CES2: variants seen among roughly 807,000 people sequenced by gnomAD.
The protein encoded by CES2 is carboxylesterase 2, also known as cocaine esterase.
A neutral mutation model predicts 52.1 loss-of-function variants in CES2; 42 were observed. The ratio of observed to expected loss-of-function variants is 0.81; its 90% CI spans 0.63 to 1.04. The LOEUF is 1.04. CES2 is among the 50% of genes least tolerant of loss of function. The probability of loss-of-function intolerance (pLI) is 0.00; values close to 1 mark genes in which losing one functional copy is unlikely to be tolerated. For missense variants in CES2, 656 were observed against 724.3 expected (o/e 0.91, Z 1.08); for synonymous variants, 277 against 289.6 (o/e 0.96, Z 0.44).
In CES2 at chr16:66,941,119, T is replaced by C. The variant is rs1290304900; in HGVS notation, c.817-5T>C. On this transcript the variant is annotated splice_region_variant and splice_polypyrimidine_tract_variant and intron_variant, in intron 5 of 11. Transcript: ENST00000317091. ...TGAGCCAGCCCCTGCCTGGTCCCTTTACAGGTGGTGGCCAACCTGTCTGCC... is the reference window on the plus strand; with the variant it reads ...TGAGCCAGCCCCTGCCTGGTCCCTTCACAGGTGGTGGCCAACCTGTCTGCC... 12 of 1,613,894 alleles carry C rather than the reference T, an allele frequency of 7.4e-6. No individual in the cohort carries two copies. The highest frequency in any genetic ancestry group is 1.0e-5 in the Non-Finnish European group (12 of 1,179,986).
chr16:66,942,064 C>T, intron 8 of CES2, 41 bp from the exon 9 acceptor site: 2 of 1,576,048 alleles, frequency 1.3e-6, no homozygotes, highest in South Asian at 1.2e-5. Context: ...CTGCCCCTGG[C>T]ATCCAGTCTA....
intron 1 of CES2, among the ~76,000 whole-genome samples, chr16:66,936,654 C>T (rs1963223432): frequency 6.6e-6 from 1 of 152,184 alleles, no homozygotes; most frequent in Non-Finnish European, 1.5e-5. Flanking sequence ...AGGCCCTTAT[C>T]AGAAGCTGGG....
intron 6 of CES2, 137 bp downstream of exon 6, chr16:66,941,359 A>G (rs1963358878): frequency 6.6e-7 from 1 of 1,513,548 alleles, no homozygotes; most frequent in Non-Finnish European, 8.9e-7. Context: ...TCGGGACTGA[A>G]GGTCGGTGCA....
chr16:66,939,192 A>T, intron 2 of CES2, 25 bp from the exon 3 acceptor site: 1 of 1,612,374 alleles, frequency 6.2e-7, no homozygotes, highest in Middle Eastern at 1.7e-4. Context: ...TGGCCCCTGG[A>T]CTGATTATTT....
Position 66,940,673 on chromosome 16 carries a change from G to C in CES2, c.794G>C (p.Ser265Thr). The change falls in exon 5 of 12, where the codon AGC becomes ACC. Residue 265 changes from serine (S) to threonine (T), a missense_variant. Physicochemically the swap from Ser to Thr is moderately conservative, Grantham distance 58. Transcript: ENST00000317091. ...GVALLPGLIA[S>T]SADVISTVVA... The stretch of plus-strand genomic sequence containing the variant: ...GCCCTCCTGCCCGGCCTCATTGCCA[G>C]CTCAGCTGATGTCATCTCCACGGTG... 6.2e-7 allele frequency: 1 copy of C among 1,614,146 alleles called. No individual in the cohort carries two copies. The highest frequency in any genetic ancestry group is 8.5e-7 in the Non-Finnish European group (1 of 1,180,036).
In CES2 at chr16:66,941,550, C is replaced by T. The variant is rs772901554; in HGVS notation, c.960C>T (p.Pro320=). ...GAGTGGTGGATGGGGTCTTCCTGCCCAGGCACCCCCAGGAGCTGCTGGCCT... is the reference window on the plus strand; with the variant it reads ...GAGTGGTGGATGGGGTCTTCCTGCCTAGGCACCCCCAGGAGCTGCTGGCCT... ...IPGVVDGVFL[P]RHPQELLASA... is the part of the protein sequence containing the mutation. Residue 320 remains proline, a synonymous_variant, in exon 7 of 12, where the codon CCC becomes CCT. Transcript: ENST00000317091. 13 of 1,613,980 alleles carry T rather than the reference C, an allele frequency of 8.1e-6. No individual in the cohort carries two copies. In the South Asian group the frequency reaches 8.8e-5, roughly 11 times the overall value.
rs755929357 is a variant in CES2 at position 66,941,619 on chromosome 16, C to A, written c.1029C>A (p.Asn343Lys). ...TCCCTAGCATTGTTGGTGTCAACAA[C>A]AATGAATTCGGCTGGCTCATCCCCA... ...QPVPSIVGVN[N>K]NEFGWLIPKV... The change falls in exon 7 of 12, where the codon AAC (asparagine) becomes AAA (lysine). Residue 343 changes from asparagine (N) to lysine (K), a missense_variant. Asn to Lys is a moderately conservative substitution (Grantham distance 94). Coordinates refer to ENST00000317091, the MANE Select transcript of CES2 (RefSeq NM_001365405.1). 9.9e-6 allele frequency: 16 copies of A among 1,613,960 alleles called. No homozygotes were observed. The East Asian group carries it at 1.8e-4, about 18-fold the overall frequency.
chr16:66,941,696 G>A (rs761883029), intron 7 of CES2, 50 bp downstream of exon 7: 3 of 1,612,788 alleles, frequency 1.9e-6, no homozygotes, highest in Non-Finnish European at 2.5e-6. Flanking sequence ...ATCTGGTAGT[G>A]GGGGGTGTTC....
Position 66,943,803 on chromosome 16 carries a change from C to G in CES2, c.1494-36C>G. On this transcript the variant is annotated intron_variant, in intron 11 of 11. Coordinates refer to ENST00000317091, the MANE Select transcript of CES2 (RefSeq NM_001365405.1). The surrounding 1 kb of genome is among the most constrained non-coding windows in gnomAD (Gnocchi z 4.2). ...TCTGGGCTTCGGGGGCCCAGAGTGA[C>G]CCTCATACTGCCCTGCTGGGATGGC... is the stretch of plus-strand genomic sequence containing the variant. The G allele has an allele frequency of 6.5e-7, 1 of 1,540,812 alleles. No individual in the cohort carries two copies. Among genetic ancestry groups the G allele is most frequent in the Non-Finnish European group, 8.8e-7 (1 of 1,132,062 alleles).
At chr16:66,935,462 T>C (rs1189738658), upstream of CES2, 14 of 1,610,052 alleles carry the variant, frequency 8.7e-6, no homozygotes, top group Admixed American at 6.7e-5. Context: ...TCAGTCCCGC[T>C]CTCCTACCAC....
chr16:66,943,178 T>G lies in CES2; in HGVS notation c.1421-121T>G. Reference sequence around the variant, plus strand: ...GGGGAGGGCTGGCTTCTGAGGGCAGTGGAAGAAAAAGCGGAGAAGCAGGAC... The same window carrying G: ...GGGGAGGGCTGGCTTCTGAGGGCAGGGGAAGAAAAAGCGGAGAAGCAGGAC... On this transcript the variant is annotated intron_variant, in intron 10 of 11. Coordinates refer to ENST00000317091, the MANE Select transcript of CES2 (RefSeq NM_001365405.1). This position sits in a 1 kb window ranked among gnomAD's most constrained non-coding sequence, Gnocchi z 4.2. 2.0e-6 allele frequency: 2 copies of G among 1,000,548 alleles called. No homozygotes were observed. The highest frequency in any genetic ancestry group is 1.6e-5 in the African/African-American group (1 of 61,554). The allele number at this position is 1,000,548 out of a possible 1,614,324, so 62.0% of individuals were successfully genotyped here.
In CES2 at chr16:66,944,112, AGTT is replaced by A; in HGVS notation, c.*89_*91del. 1.7e-6 allele frequency: 1 copy of A among 602,370 alleles called. No homozygotes were observed. Among genetic ancestry groups the A allele is most frequent in the South Asian group, 3.0e-5 (1 of 33,546 alleles). The allele number at this position is 602,370 out of a possible 1,614,324, so 37.3% of individuals were successfully genotyped here. A position where few individuals can be genotyped will look rare whatever the true frequency, so the allele number is the denominator to read the frequency against. ...CACACACACCCACTAAGGAGAAAGA[AGTT>A]GATTCCTTCATTCACTTCGCCATTC... On this transcript the variant is annotated 3_prime_UTR_variant, in exon 12 of 12. Transcript: ENST00000317091.
rs1384719301 is a variant in CES2 at position 66,942,768 on chromosome 16, T to C, written c.1403T>C (p.Phe468Ser). The C allele has an allele frequency of 6.2e-7, 1 of 1,614,218 alleles. No homozygotes were observed. ...GDELPFVFRS[F>S]FGGNYIKFTE... ...GAGCTTCCTTTTGTTTTCAGAAGTT[T>C]CTTTGGGGGCAACTACAGTGAGTCT... Residue 468 changes from phenylalanine to serine, a missense_variant, in exon 10 of 12, where the codon TTC becomes TCC. Physicochemically the swap from Phe to Ser is radical, Grantham distance 155. Coordinates refer to ENST00000317091, the MANE Select transcript of CES2 (RefSeq NM_001365405.1).
intron 5 of CES2, 138 bp from the exon 6 acceptor site, chr16:66,940,986 G>T: frequency 7.9e-7 from 1 of 1,268,718 alleles, no homozygotes; most frequent in Admixed American, 2.6e-5. Flanking sequence ...TTCTGAGTTG[G>T]AACAGTGTCA....
Position 66,943,953 on chromosome 16 carries a change from G to T in CES2, c.1608G>T (p.Gln536His), listed in dbSNP as rs1178888063. The T allele has an allele frequency of 1.9e-6, 3 of 1,607,234 alleles. No homozygotes were observed. The highest frequency in any genetic ancestry group is 2.6e-6 in the Non-Finnish European group (3 of 1,175,078). ...VGRALKAHRL[Q>H]FWKKALPQKI... is the part of the protein sequence containing the mutation. ...GGGCTCTGAAGGCCCACAGGCTCCA[G>T]TTCTGGAAGAAGGCGCTGCCCCAAA... Residue 536 changes from glutamine to histidine, a missense_variant, in exon 12 of 12, where the codon CAG becomes CAT. Physicochemically the swap from Gln to His is conservative, Grantham distance 24. Transcript: ENST00000317091. The surrounding 1 kb of genome is among the most constrained non-coding windows in gnomAD (Gnocchi z 4.2).
At position 66,943,328 on chromosome 16, in the gene CES2, A is replaced by G; in HGVS notation, c.1450A>G (p.Ser484Gly). The change falls in exon 11 of 12, where the codon AGC becomes GGC. Residue 484 changes from serine (S) to glycine (G), a missense_variant. Physicochemically the swap from Ser to Gly is moderately conservative, Grantham distance 56 (BLOSUM62 0). Coordinates refer to ENST00000317091, the MANE Select transcript of CES2 (RefSeq NM_001365405.1). This position sits in a 1 kb window ranked among gnomAD's most constrained non-coding sequence, Gnocchi z 4.2. ...IKFTEEEEQL[S>G]RKMMKYWANF... Reference sequence around the variant, plus strand: ...ATTCACTGAGGAAGAGGAGCAGCTAAGCAGGAAGATGATGAAGTACTGGGC... The same window carrying G: ...ATTCACTGAGGAAGAGGAGCAGCTAGGCAGGAAGATGATGAAGTACTGGGC... The G allele has an allele frequency of 6.2e-7, 1 of 1,614,166 alleles. No individual in the cohort carries two copies. Among genetic ancestry groups the G allele is most frequent in the Non-Finnish European group, 8.5e-7 (1 of 1,180,008 alleles).
At chr16:66,935,238 T>C (rs1597002037), upstream of CES2, 5 of 523,346 alleles carry the variant, frequency 9.6e-6, no homozygotes, top group East Asian at 8.8e-5. Flanking sequence ...CCTCCTGGGG[T>C]CTCCAATTCT....
At chr16:66,939,611 T>C (rs1178278598) in intron 3 of CES2, among the ~76,000 whole-genome samples, 1 of 152,200 alleles carries the variant, frequency 6.6e-6, no homozygotes, top group Admixed American at 6.5e-5. Context: ...AGCCAACTCA[T>C]GCCAGGAGAT....
chr16:66,938,467 T>C, intron 2 of CES2: 1 of 574,586 alleles, frequency 1.7e-6, no homozygotes, highest in African/African-American at 1.9e-5. Context: ...CAGAAGACAT[T>C]GGCTCCAGGT....
Sources: gnomAD v4.1 joint callset for allele counts (sites outside exome capture counted in the v4.1 genomes callset) on GRCh38, gnomAD v4.1.1 for gene constraint, Gnocchi (gnomAD v3.1) non-coding constraint, MANE v1.5 for transcripts, NCBI Gene and HGNC (gene_info 2026-07-23, HGNC 2026-07-21) for gene names.